The following CHRDL2 variants were observed in gnomAD, a reference collection of about 807,000 sequenced individuals.
CHRDL2 encodes chordin-like protein 2.
CHRDL2 carries 41 observed loss-of-function variants against 54.3 expected under a neutral mutation model. That is an observed-to-expected ratio of 0.76 (90% CI 0.59 to 0.98). The LOEUF is 0.98. Ranked by LOEUF, CHRDL2 falls within the 50% of genes least tolerant of loss-of-function variation. CHRDL2 has a pLI of 0.00. For synonymous variants in CHRDL2, 220 were observed against 224.3 expected, an observed-to-expected ratio of 0.98 and a Z score of 0.17; for missense variants, 518 against 562.4, an observed-to-expected ratio of 0.92 and a Z score of 0.80.
At chr11:74,724,202 T>C (rs1489513572) in intron 1 of CHRDL2, among the ~76,000 whole-genome samples, 2 of 152,214 alleles carry the variant, frequency 1.3e-5, no homozygotes, top group Non-Finnish European at 2.9e-5. Flanking sequence ...GGGAAGGACT[T>C]CTCAGGCAGT....
rs1402052854 is a variant in CHRDL2, at chr11:74,703,076, T to G, written c.947-109A>C. The stretch of plus-strand genomic sequence containing the variant: ...TTCATGGAATCCGGAACATTACTGA[T>G]TCTATGTTAACAACCTCTGAATCTA... On this transcript the variant is annotated intron_variant, in intron 8 of 10. Transcript: ENST00000376332. The G allele has an allele frequency of 5.9e-6, 7 of 1,180,248 alleles. No homozygotes were observed. In the African/African-American group the frequency reaches 9.2e-5, roughly 16 times the overall value. 73.1% of individuals were successfully genotyped at this position (1,180,248 alleles called of 1,614,324 possible).
intron 1 of CHRDL2, among the ~76,000 whole-genome samples, chr11:74,724,149 C>T (rs1361992998): frequency 6.6e-6 from 1 of 152,238 alleles, no homozygotes; most frequent in Non-Finnish European, 1.5e-5. Context: ...TCTCTAGGAA[C>T]ATGCCTGAGC....
chr11:74,702,729 G>GCAC, intron 9 of CHRDL2, 65 bp downstream of exon 9: 1 of 1,552,782 alleles, frequency 6.4e-7, no homozygotes, highest in East Asian at 2.2e-5. Context: ...GCCCCTGTGG[G>GCAC]GTCTGGGGCA....
At chr11:74,704,746 G>GGGGTCTCCCCACAGCCTCT in intron 6 of CHRDL2, 92 bp from the exon 7 acceptor site, 1 of 1,316,394 alleles carries the variant, frequency 7.6e-7, no homozygotes, top group Non-Finnish European at 1.1e-6. Flanking sequence ...GCAAGAGGCT[G>GGGGTCTCCCCACAGCCTCT]TGGGGAGACC....
intron 2 of CHRDL2, among the ~76,000 whole-genome samples, 175 bp downstream of exon 2, chr11:74,718,545 A>G (rs1195530500): frequency 1.3e-5 from 2 of 152,228 alleles, no homozygotes; most frequent in South Asian, 2.1e-4. Flanking sequence ...GGAGGTACAC[A>G]GTAGCCATCT....
At chr11:74,719,407 C>T (rs2034452993) in intron 1 of CHRDL2, 1 of 149,110 alleles carries the variant, frequency 6.7e-6, no homozygotes, top group Non-Finnish European at 1.5e-5. Flanking sequence ...CACACACACA[C>T]ACACACACAC....
rs1444189631 is a variant in CHRDL2, at chr11:74,703,515, G to T, written c.752-16C>A. The T allele has an allele frequency of 1.3e-6, 2 of 1,552,036 alleles. No individual in the cohort carries two copies. The highest frequency in any genetic ancestry group is 1.7e-6 in the Non-Finnish European group (2 of 1,143,438). On this transcript the variant is annotated splice_polypyrimidine_tract_variant and intron_variant, in intron 7 of 10. Coordinates refer to ENST00000376332, the MANE Select transcript of CHRDL2 (RefSeq NM_001278473.3). ...TGCACACAGGCTGAATAAGGAGGGT[G>T]AGAAGGAAGGAGGATCAGGGCCTCA...
chr11:74,710,804 G>A, intron 4 of CHRDL2, 45 bp downstream of exon 4: 1 of 1,599,824 alleles, frequency 6.3e-7, no homozygotes, highest in Non-Finnish European at 8.5e-7. Flanking sequence ...TTCTTTGCAG[G>A]CCCAGAGCGC....
chr11:74,701,480 A>C, intron 9 of CHRDL2: 1 of 633,826 alleles, frequency 1.6e-6, no homozygotes, highest in South Asian at 1.9e-5. Context: ...TCCAGGCTGA[A>C]CAGCTCCACT....
chr11:74,708,333 C>G lies in CHRDL2; in HGVS notation c.495G>C (p.Pro165=), dbSNP rs7948433. Residue 165 remains proline (P), a synonymous_variant, in exon 5 of 11, where the codon CCG becomes CCC. Transcript: ENST00000376332. The part of the protein sequence containing the change: ...CPEPGCPAPL[P]LPDSCCQACK... Reference sequence around the variant, plus strand: ...AGGCCTGGCAGCAGGAGTCTGGCAGCGGGAGGGGTGCTGGGCAGCCTGGTT... The same window carrying G: ...AGGCCTGGCAGCAGGAGTCTGGCAGGGGGAGGGGTGCTGGGCAGCCTGGTT... 3 of 1,576,530 alleles carry G rather than the reference C, an allele frequency of 1.9e-6. No individual in the cohort carries two copies. Among genetic ancestry groups the G allele is most frequent in the Non-Finnish European group, 2.6e-6 (3 of 1,166,016 alleles).
intron 3 of CHRDL2, among the ~76,000 whole-genome samples, chr11:74,711,384 G>T (rs1002596431): frequency 1.3e-5 from 2 of 152,224 alleles, no homozygotes; most frequent in Non-Finnish European, 1.5e-5. Flanking sequence ...TGGGGATACA[G>T]CAGTGAGCAA....
chr11:74,725,324 T>A (rs935625130), intron 1 of CHRDL2, among the ~76,000 whole-genome samples: 14 of 152,302 alleles, frequency 9.2e-5, no homozygotes, highest in African/African-American at 3.4e-4. Flanking sequence ...AAGGAGTAGT[T>A]CATTATATGG....
At position 74,718,832 on chromosome 11, in the gene CHRDL2, C is replaced by T. The variant is rs1253182540; in HGVS notation, c.83G>A (p.Arg28His). 1.3e-6 allele frequency: 2 copies of T among 1,599,720 alleles called. No homozygotes were observed. Among genetic ancestry groups the T allele is most frequent in the African/African-American group, 1.3e-5 (1 of 74,542 alleles). The change falls in exon 2 of 11, where the codon CGC becomes CAC. Residue 28 changes from arginine to histidine, a missense_variant and splice_region_variant. Physicochemically the swap from Arg to His is conservative, Grantham distance 29 (BLOSUM62 0). Transcript: ENST00000376332. ...ATGGAAAAGGCAGAACATGTCTGGG[C>T]CTGGCAAACCGACCAGTGCCATGTT... ...WFPLDSHARA[R>H]PDMFCLFHGK... is the part of the protein sequence containing the mutation.
intron 4 of CHRDL2, among the ~76,000 whole-genome samples, chr11:74,709,562 T>C (rs1289561120): frequency 1.3e-5 from 2 of 152,186 alleles, no homozygotes; most frequent in Non-Finnish European, 2.9e-5. Flanking sequence ...CAAAAGGTAA[T>C]TGCTTACTAG....
chr11:74,714,615 T>C (rs1483670472), intron 2 of CHRDL2, among the ~76,000 whole-genome samples: 1 of 152,194 alleles, frequency 6.6e-6, no homozygotes, highest in Non-Finnish European at 1.5e-5. Context: ...TTAAGGGGAA[T>C]CCCAGAGTCC....
chr11:74,724,014 A>G (rs1208349869), intron 1 of CHRDL2, among the ~76,000 whole-genome samples: 1 of 152,278 alleles, frequency 6.6e-6, no homozygotes, highest in East Asian at 1.9e-4. Flanking sequence ...TGGGCCTGGT[A>G]CATGACTTAA....
chr11:74,707,426 A>G lies in CHRDL2; in HGVS notation c.526+876T>C, dbSNP rs2034045154. Among the ~76,000 whole-genome samples the G allele has an allele frequency of 4.6e-5, 7 of 152,190 alleles. No individual in the cohort carries two copies. In the South Asian group the frequency reaches 1.4e-3, roughly 31 times the overall value. On this transcript the variant is annotated intron_variant, in intron 5 of 10. Coordinates refer to ENST00000376332, the MANE Select transcript of CHRDL2 (RefSeq NM_001278473.3). ...TTGACTACCTCAGCCTGCAGGGAAC[A>G]GTCCGACCATTTCATTCTGCTCACG...
chr11:74,720,559 A>G (rs1368708033), intron 1 of CHRDL2, among the ~76,000 whole-genome samples: 1 of 151,730 alleles, frequency 6.6e-6, no homozygotes, highest in Non-Finnish European at 1.5e-5. Flanking sequence ...TTATTCTCTT[A>G]GTCCCCTGTT....
chr11:74,723,213 T>A (rs1591370446), intron 1 of CHRDL2, among the ~76,000 whole-genome samples: 1 of 152,106 alleles, frequency 6.6e-6, no homozygotes, highest in East Asian at 1.9e-4. Context: ...AGGATATGGG[T>A]GGAGAAGGCA....
Sources: allele counts gnomAD v4.1 joint callset (sites outside exome capture counted in the v4.1 genomes callset), GRCh38; gene constraint gnomAD v4.1.1; transcripts MANE v1.5; gene names NCBI Gene and HGNC (gene_info 2026-07-23, HGNC 2026-07-21).